The following TMEM229B variants were observed in gnomAD, a reference collection of about 807,000 sequenced individuals.
TMEM229B encodes transmembrane protein 229B.
A neutral mutation model predicts 13.7 loss-of-function variants in TMEM229B; 6 were observed. The observed-to-expected ratio is 0.44, with a 90% CI of 0.24 to 0.86. The LOEUF is 0.86. TMEM229B is among the 40% of genes least tolerant of loss of function. The probability of loss-of-function intolerance (pLI) is 0.23; values close to 1 mark genes in which losing one functional copy is unlikely to be tolerated. For synonymous variants in TMEM229B, 107 were observed against 102.1 expected (o/e 1.05, Z -0.29); for missense variants, 170 against 236.0 (o/e 0.72, Z 1.83).
At chr14:67,526,217 A>C (rs1479373633) in intron 1 of TMEM229B, among the ~76,000 whole-genome samples, 2 of 152,250 alleles carry the variant, frequency 1.3e-5, no homozygotes, top group Non-Finnish European at 2.9e-5. Flanking sequence ...TACATAAGCA[A>C]AGCTCCTAAT....
chr14:67,473,813 C>A lies in TMEM229B; in HGVS notation c.111G>T (p.Leu37Phe). 1 of 1,613,798 alleles carries A rather than the reference C, an allele frequency of 6.2e-7. No individual in the cohort carries two copies. ...TCGTGACCCCAGGGAACTTCCAGTT[C>A]AAGTTCACCACGAACTCCCAGGCCG... ...FTAAWEFVVN[L>F]NWKFPGVTSV... The change falls in exon 3 of 3, where the codon TTG becomes TTT. Residue 37 changes from leucine (L) to phenylalanine (F), a missense_variant. Physicochemically the swap from Leu to Phe is conservative, Grantham distance 22. Coordinates refer to ENST00000554480, the MANE Select transcript of TMEM229B (RefSeq NM_001348543.2). This position sits in a 1 kb window ranked among gnomAD's most constrained non-coding sequence, Gnocchi z 6.5.
rs114783188 is a variant in TMEM229B at position 67,486,105 on chromosome 14, C to T, written c.-19+895G>A. 3.3e-5 allele frequency among the ~76,000 whole-genome samples: 5 copies of T among 152,360 alleles called. No individual in the cohort carries two copies. In the East Asian group the frequency reaches 7.7e-4, roughly 23 times the overall value. On this transcript the variant is annotated intron_variant, in intron 2 of 2. Transcript: ENST00000554480. Reference sequence around the variant, plus strand: ...CCCAGGTGTGAGTGCTCGCTTCACTCACGCCAGACAATCTGAATGATATGG... The same window carrying T: ...CCCAGGTGTGAGTGCTCGCTTCACTTACGCCAGACAATCTGAATGATATGG...
upstream of TMEM229B, among the ~76,000 whole-genome samples, chr14:67,518,416 A>G (rs1365468497): frequency 2.0e-5 from 3 of 152,256 alleles, no homozygotes; most frequent in African/African-American, 7.2e-5. Flanking sequence ...GAGAATGCAT[A>G]TAAGGTGCTT....
chr14:67,493,950 G>A (rs1240652863), intron 1 of TMEM229B, among the ~76,000 whole-genome samples: 2 of 151,944 alleles, frequency 1.3e-5, no homozygotes, highest in South Asian at 2.1e-4. Context: ...ATCTGTGACA[G>A]TTGCTGTCTG....
upstream of TMEM229B, among the ~76,000 whole-genome samples, chr14:67,491,513 T>C (rs568831393): frequency 6.6e-6 from 1 of 152,320 alleles, no homozygotes; most frequent in South Asian, 2.1e-4. Context: ...GTGCTTATTA[T>C]GAATAACAAA....
In TMEM229B at chr14:67,473,452, C is replaced by A; in HGVS notation, c.472G>T (p.Ala158Ser). ...GTCTTGACATGGCCGTTGGCCAGGG[C>A]TAGGGCGCCGCTGGGCTCCCCGGGC... Reference protein sequence around the residue: ...AEPGEPSGALALANGHVKTD With the variant: ...AEPGEPSGALSLANGHVKTD The change falls in exon 3 of 3, where the codon GCC (alanine) becomes TCC (serine). Residue 158 changes from alanine to serine, a missense_variant. Physicochemically the swap from Ala to Ser is moderately conservative, Grantham distance 99. Around this residue, in one of 4 missense-constraint regions of TMEM229B, gnomAD observed 70 missense variants for 60.9 expected, o/e 1.15. Transcript: ENST00000554480. The surrounding 1 kb of genome is among the most constrained non-coding windows in gnomAD (Gnocchi z 6.5). 6.2e-7 allele frequency: 1 copy of A among 1,614,168 alleles called. No homozygotes were observed. The highest frequency in any genetic ancestry group is 8.5e-7 in the Non-Finnish European group (1 of 1,180,026).
At chr14:67,525,459 C>A (rs1594723722) in intron 1 of TMEM229B, among the ~76,000 whole-genome samples, 2 of 152,176 alleles carry the variant, frequency 1.3e-5, no homozygotes, top group Admixed American at 6.5e-5. Context: ...CAATTGGATC[C>A]TTTTCCCCTC....
At chr14:67,513,375 T>C (rs911587390) in intron 1 of TMEM229B, among the ~76,000 whole-genome samples, 1 of 152,194 alleles carries the variant, frequency 6.6e-6, no homozygotes, top group Non-Finnish European at 1.5e-5. Flanking sequence ...TGCATCTGAC[T>C]TTAGCCACAA....
upstream of TMEM229B, among the ~76,000 whole-genome samples, chr14:67,490,188 G>A (rs1433874186): frequency 6.6e-6 from 1 of 152,114 alleles, no homozygotes; most frequent in Non-Finnish European, 1.5e-5. Flanking sequence ...CTAATTTATA[G>A]GCCACCATCA....
At chr14:67,476,403 A>G (rs557350566) in intron 2 of TMEM229B, among the ~76,000 whole-genome samples, 25 of 152,184 alleles carry the variant, frequency 1.6e-4, no homozygotes, top group Non-Finnish European at 2.8e-4. Context: ...CCTGGCCGAC[A>G]TGGTGAAACC....
chr14:67,526,707 G>A (rs1323772161), intron 1 of TMEM229B, among the ~76,000 whole-genome samples: 2 of 152,058 alleles, frequency 1.3e-5, no homozygotes, highest in Non-Finnish European at 2.9e-5. Flanking sequence ...CACCTGACTG[G>A]GAGCCAGAAT....
At position 67,476,945 on chromosome 14, in the gene TMEM229B, A is replaced by G. The variant is rs899587605; in HGVS notation, c.-18-3004T>C. ...GTTCAAGACCAGCCTGACCAAAATG[A>G]TGAAACCCTGTCTCTACTAAAAATA... On this transcript the variant is annotated intron_variant, in intron 2 of 2. Transcript: ENST00000554480. Among the ~76,000 whole-genome samples the G allele has an allele frequency of 4.1e-4, 63 of 152,118 alleles. 1 individual carries two copies. The highest frequency in any genetic ancestry group is 4.1e-3 in the Admixed American group (62 of 15,292).
intron 1 of TMEM229B, among the ~76,000 whole-genome samples, chr14:67,527,594 G>A (rs1476142476): frequency 2.0e-5 from 3 of 152,160 alleles, no homozygotes; most frequent in South Asian, 2.1e-4. Context: ...CTGTGTCCCC[G>A]GTGTGTTTTG....
chr14:67,530,379 G>A (rs753345146), intron 1 of TMEM229B, among the ~76,000 whole-genome samples: 6 of 152,132 alleles, frequency 3.9e-5, no homozygotes, highest in Admixed American at 6.5e-5. Context: ...CTTAAACTGA[G>A]CTCTGGCCAG....
At chr14:67,530,288 A>G (rs2033425609) in intron 1 of TMEM229B, among the ~76,000 whole-genome samples, 1 of 152,204 alleles carries the variant, frequency 6.6e-6, no homozygotes, top group Non-Finnish European at 1.5e-5. Context: ...AATTATTATC[A>G]TCATTATTTT....
intron 2 of TMEM229B, among the ~76,000 whole-genome samples, chr14:67,482,813 T>C (rs1415299270): frequency 6.6e-6 from 1 of 152,220 alleles, no homozygotes; most frequent in Non-Finnish European, 1.5e-5. Flanking sequence ...ACCCTCTTGC[T>C]GTGGGTGCCC....
At chr14:67,509,520 T>C (rs1245113196) in intron 1 of TMEM229B, among the ~76,000 whole-genome samples, 3 of 152,180 alleles carry the variant, frequency 2.0e-5, no homozygotes, top group African/African-American at 7.2e-5. Flanking sequence ...GGTTTCACCA[T>C]GTTGCTCAGG....
intron 1 of TMEM229B, among the ~76,000 whole-genome samples, chr14:67,522,030 C>T (rs775259844): frequency 7.9e-5 from 12 of 152,058 alleles, no homozygotes; most frequent in African/African-American, 2.9e-4. Flanking sequence ...AAAAATTAGC[C>T]GGGCATGGTG....
chr14:67,478,714 A>T (rs560824434), intron 2 of TMEM229B, among the ~76,000 whole-genome samples: 1 of 152,250 alleles, frequency 6.6e-6, no homozygotes, highest in Admixed American at 6.5e-5. Flanking sequence ...GGCCCCACCC[A>T]GGGCCGGTGA....
Sources: gnomAD v4.1 joint callset for allele counts (sites outside exome capture counted in the v4.1 genomes callset) on GRCh38, gnomAD v4.1.1 for gene constraint, gnomAD v4.1.1 regional missense constraint, Gnocchi (gnomAD v3.1) non-coding constraint, MANE v1.5 for transcripts, NCBI Gene and HGNC (gene_info 2026-07-23, HGNC 2026-07-21) for gene names.